The following RASEF variants were observed in gnomAD, a reference collection of about 807,000 sequenced individuals.
RASEF encodes ras and EF-hand domain-containing protein.
Under a neutral mutation model 90.1 loss-of-function variants are expected in RASEF, and 68 were observed. The observed-to-expected ratio is 0.75, with a 90% CI of 0.62 to 0.92. RASEF has a LOEUF of 0.92. Among genes scored for constraint, RASEF ranks in the 40% least tolerant of loss-of-function variants. The pLI is 0.00. For missense variants in RASEF, 949 were observed against 937.2 expected (o/e 1.01, Z -0.16); for synonymous variants, 331 against 345.2 (o/e 0.96, Z 0.46).
chr9:83,024,572 G>A (rs1829506410), intron 2 of RASEF, among the ~76,000 whole-genome samples: 1 of 152,158 alleles, frequency 6.6e-6, no homozygotes, highest in Non-Finnish European at 1.5e-5. Flanking sequence ...ACAGACTCTG[G>A]AGTTCTGAGG....
the RASEF span, among the ~76,000 whole-genome samples, chr9:83,190,239 G>A: frequency 1.0e-3 from 157 of 152,262 alleles, 1 homozygote; most frequent in African/African-American, 3.2e-3. Context: ...CCTGTTACAC[G>A]AAGCATCTAA....
chr9:83,135,063 T>C, the RASEF span, among the ~76,000 whole-genome samples: 2 of 152,078 alleles, frequency 1.3e-5, no homozygotes, highest in Non-Finnish European at 2.9e-5. Context: ...AGAAAGTAGA[T>C]TGATGATTGT....
chr9:83,013,762 C>A (rs543252518), intron 4 of RASEF, among the ~76,000 whole-genome samples: 1 of 152,266 alleles, frequency 6.6e-6, no homozygotes, highest in African/African-American at 2.4e-5. Flanking sequence ...TTTATACCTT[C>A]CTCAGAGAAA....
the RASEF span, among the ~76,000 whole-genome samples, chr9:83,182,398 A>T: frequency 6.6e-6 from 1 of 152,196 alleles, no homozygotes; most frequent in Non-Finnish European, 1.5e-5. Flanking sequence ...TGTTTTGTTT[A>T]TGGTCATAAA....
the RASEF span, among the ~76,000 whole-genome samples, chr9:83,108,347 A>C: frequency 2.0e-5 from 3 of 152,204 alleles, no homozygotes; most frequent in Non-Finnish European, 4.4e-5. Context: ...GAAGTCAGAG[A>C]ACTATGGCCC....
At chr9:83,041,083 A>C (rs1829831639) in intron 1 of RASEF, among the ~76,000 whole-genome samples, 1 of 150,910 alleles carries the variant, frequency 6.6e-6, no homozygotes, top group African/African-American at 2.4e-5. Flanking sequence ...CTGGTCTTGA[A>C]CTCCTGACCT....
the RASEF span, among the ~76,000 whole-genome samples, chr9:83,119,256 T>A: frequency 3.3e-5 from 5 of 151,454 alleles, no homozygotes; most frequent in Non-Finnish European, 7.4e-5. Flanking sequence ...TGACCCCAAG[T>A]GATCCACTTG....
At chr9:83,106,184 T>C in the RASEF span, among the ~76,000 whole-genome samples, 1 of 152,222 alleles carries the variant, frequency 6.6e-6, no homozygotes, top group African/African-American at 2.4e-5. Context: ...ACTAATTTTC[T>C]ATGAATGTAT....
the RASEF span, among the ~76,000 whole-genome samples, chr9:83,093,477 C>G: frequency 2.6e-5 from 4 of 152,212 alleles, no homozygotes; most frequent in African/African-American, 9.6e-5. Flanking sequence ...AGAAATCAAG[C>G]GCAGCCCCGG....
chr9:83,078,132 G>A, the RASEF span, among the ~76,000 whole-genome samples: 52 of 152,202 alleles, frequency 3.4e-4, no homozygotes, highest in Non-Finnish European at 6.2e-4. Flanking sequence ...TCAGTAACTC[G>A]GGTGTGGCTC....
intron 5 of RASEF, among the ~76,000 whole-genome samples, chr9:83,011,439 C>A (rs532558019): frequency 1.1e-4 from 16 of 148,570 alleles, no homozygotes; most frequent in East Asian, 8.2e-4. Flanking sequence ...ATAGTTCCAG[C>A]TACTTGGGAG....
the RASEF span, among the ~76,000 whole-genome samples, chr9:83,087,999 G>A: frequency 4.6e-5 from 7 of 151,924 alleles, no homozygotes; most frequent in Non-Finnish European, 8.8e-5. Flanking sequence ...TTTCTCCTTT[G>A]ACCCATTGGT....
the RASEF span, among the ~76,000 whole-genome samples, chr9:83,191,113 A>C: frequency 6.6e-6 from 1 of 152,198 alleles, no homozygotes; most frequent in Admixed American, 6.5e-5. Flanking sequence ...AACAGAGGAA[A>C]CCAAACAGTG....
At chr9:83,089,814 T>A in the RASEF span, among the ~76,000 whole-genome samples, 10 of 152,118 alleles carry the variant, frequency 6.6e-5, no homozygotes, top group Non-Finnish European at 4.4e-5. Flanking sequence ...TTTCATCAAA[T>A]TTGGGACATT....
the RASEF span, among the ~76,000 whole-genome samples, chr9:83,189,959 T>C: frequency 2.6e-5 from 4 of 152,350 alleles, no homozygotes; most frequent in African/African-American, 9.6e-5. Context: ...TGCCTCTTTC[T>C]TCTCTCACTC....
the RASEF span, among the ~76,000 whole-genome samples, chr9:83,175,718 C>G: frequency 6.6e-6 from 1 of 152,122 alleles, no homozygotes; most frequent in East Asian, 1.9e-4. Flanking sequence ...GTAGCCGGGA[C>G]TACAGGCGCA....
the RASEF span, among the ~76,000 whole-genome samples, chr9:83,130,757 C>A: frequency 2.0e-5 from 3 of 152,170 alleles, no homozygotes; most frequent in Non-Finnish European, 4.4e-5. Flanking sequence ...GAAACCAATA[C>A]CCAACCCAGA....
intron 1 of RASEF, among the ~76,000 whole-genome samples, chr9:83,034,340 A>T (rs1333393027): frequency 2.0e-5 from 3 of 152,182 alleles, no homozygotes; most frequent in African/African-American, 4.8e-5. Flanking sequence ...CTGTTGTCTG[A>T]TCAGAGGAGT....
the RASEF span, among the ~76,000 whole-genome samples, chr9:83,164,351 A>G: frequency 0.093 from 4,700 of 50,602 alleles, 232 homozygotes; most frequent in African/African-American, 0.22. Context: ...ATGTGTGTAT[A>G]TATATATATA....
Sources: gnomAD v4.1 joint callset for allele counts (sites outside exome capture counted in the v4.1 genomes callset) on GRCh38, gnomAD v4.1.1 for gene constraint, MANE v1.5 for transcripts, NCBI Gene and HGNC (gene_info 2026-07-23, HGNC 2026-07-21) for gene names.